KCTD8: variants seen among roughly 807,000 people sequenced by gnomAD.
KCTD8 encodes potassium channel tetramerization domain containing 8.
In KCTD8, 27 loss-of-function variants were observed where a neutral mutation model predicts 31.5. The ratio of observed to expected loss-of-function variants is 0.86; its 90% CI spans 0.63 to 1.18. KCTD8 has a LOEUF of 1.18. KCTD8 is among the 50% of genes most tolerant of loss of function. KCTD8 has a pLI of 0.00. For synonymous variants in KCTD8, 290 were observed against 280.0 expected (o/e 1.04, Z -0.36); for missense variants, 658 against 647.7 (o/e 1.02, Z -0.17).
intron 1 of KCTD8, among the ~76,000 whole-genome samples, chr4:44,424,901 C>T (rs559543966): frequency 6.6e-6 from 1 of 152,062 alleles, no homozygotes; most frequent in African/African-American, 2.4e-5. Context: ...TTCTAATCCT[C>T]GGTGACTCCA....
intron 1 of KCTD8, among the ~76,000 whole-genome samples, chr4:44,329,711 T>C (rs1177846583): frequency 6.6e-6 from 1 of 151,910 alleles, no homozygotes; most frequent in Non-Finnish European, 1.5e-5. Context: ...AACAAATTTA[T>C]TGAATGATAA....
intron 1 of KCTD8, among the ~76,000 whole-genome samples, chr4:44,336,777 T>C (rs1201457616): frequency 6.6e-6 from 1 of 152,062 alleles, no homozygotes; most frequent in Non-Finnish European, 1.5e-5. Context: ...AAACAATAAA[T>C]GTATGATATC....
intron 1 of KCTD8, among the ~76,000 whole-genome samples, chr4:44,268,170 C>T (rs1179096416): frequency 6.6e-6 from 1 of 152,120 alleles, no homozygotes; most frequent in African/African-American, 2.4e-5. Flanking sequence ...CCGAATCCAG[C>T]AACACATCAA....
rs115769907 is a variant in KCTD8 at position 44,196,760 on chromosome 4, C to T, written c.962-21510G>A. 7.8e-3 allele frequency among the ~76,000 whole-genome samples: 1,185 copies of T among 152,242 alleles called. 15 individuals are homozygous for T. Among genetic ancestry groups the T allele is most frequent in the African/African-American group, 0.027 (1,122 of 41,536 alleles). On this transcript the variant is annotated intron_variant, in intron 1 of 1. Coordinates refer to ENST00000360029, the MANE Select transcript of KCTD8 (RefSeq NM_198353.3). ...ACAAGGATCTGTGAAATCTTGGGAA[C>T]GAGAGAACCCCCTCCTTTCCTGGGC...
chr4:44,358,759 CG>C (rs1236477612), intron 1 of KCTD8, among the ~76,000 whole-genome samples: 3 of 151,954 alleles, frequency 2.0e-5, no homozygotes, highest in Admixed American at 2.0e-4. Flanking sequence ...TTAGCAGAGA[CG>C]GGGTTTCACC....
At chr4:44,261,594 C>T (rs1206611998) in intron 1 of KCTD8, among the ~76,000 whole-genome samples, 1 of 151,908 alleles carries the variant, frequency 6.6e-6, no homozygotes, top group Non-Finnish European at 1.5e-5. Flanking sequence ...TTCCACATTT[C>T]TCATACCCCC....
In KCTD8 at chr4:44,226,692, G is replaced by A. The variant is rs563206601; in HGVS notation, c.962-51442C>T. 5.0e-3 allele frequency among the ~76,000 whole-genome samples: 757 copies of A among 152,016 alleles called. 7 individuals are homozygous for A. Among genetic ancestry groups the A allele is most frequent in the African/African-American group, 0.017 (711 of 41,480 alleles). ...AGTGTTCCTATTTCTCCACAGCCTCGCCAAAATCCCTTGTTTCCTGACTTT... is the reference window on the plus strand; with the variant it reads ...AGTGTTCCTATTTCTCCACAGCCTCACCAAAATCCCTTGTTTCCTGACTTT... On this transcript the variant is annotated intron_variant, in intron 1 of 1. Coordinates refer to ENST00000360029, the MANE Select transcript of KCTD8 (RefSeq NM_198353.3).
rs1047062393 is a variant in KCTD8, at chr4:44,174,713, T to A, written c.*77A>T. Reference sequence around the variant, plus strand: ...GAGCAGCAAGAATCACACTGACCATTGTTAGGACATCAGTCAGGTGGTGAC... The same window carrying A: ...GAGCAGCAAGAATCACACTGACCATAGTTAGGACATCAGTCAGGTGGTGAC... On this transcript the variant is annotated 3_prime_UTR_variant, in exon 2 of 2. Coordinates refer to ENST00000360029, the MANE Select transcript of KCTD8 (RefSeq NM_198353.3). 1 of 1,065,390 alleles carries A rather than the reference T, an allele frequency of 9.4e-7. No homozygotes were observed. Among genetic ancestry groups the A allele is most frequent in the Non-Finnish European group, 1.4e-6 (1 of 722,654 alleles). 66.0% of individuals were successfully genotyped at this position (1,065,390 alleles called of 1,614,324 possible).
At chr4:44,215,200 A>T (rs147362332) in intron 1 of KCTD8, among the ~76,000 whole-genome samples, 2 of 152,324 alleles carry the variant, frequency 1.3e-5, no homozygotes, top group East Asian at 3.9e-4. Flanking sequence ...TCTCCTGTAC[A>T]GCTAGCTCTG....
At chr4:44,370,484 C>A (rs1023950384) in intron 1 of KCTD8, among the ~76,000 whole-genome samples, 2 of 152,094 alleles carry the variant, frequency 1.3e-5, no homozygotes, top group African/African-American at 4.8e-5. Context: ...GCTGGCACTG[C>A]TTTTGGTTTT....
intron 1 of KCTD8, among the ~76,000 whole-genome samples, chr4:44,358,372 T>C (rs1399558073): frequency 6.6e-6 from 1 of 152,178 alleles, no homozygotes; most frequent in Non-Finnish European, 1.5e-5. Context: ...TGCATGCGTC[T>C]TTATAGTGGA....
rs577112840 is a variant in KCTD8 at position 44,239,040 on chromosome 4, A to C, written c.962-63790T>G. ...GTTCTAACAAATTCTACAAATTGCT[A>C]GTCACGTGCAGGGGTAAAGTTAAAT... On this transcript the variant is annotated intron_variant, in intron 1 of 1. Transcript: ENST00000360029. Among the ~76,000 whole-genome samples, 279 of 152,338 alleles carry C rather than the reference A, an allele frequency of 1.8e-3. 1 individual carries two copies. Among genetic ancestry groups the C allele is most frequent in the Non-Finnish European group, 2.5e-3 (168 of 68,030 alleles).
At chr4:44,312,894 T>A (rs762389902) in intron 1 of KCTD8, among the ~76,000 whole-genome samples, 5 of 152,090 alleles carry the variant, frequency 3.3e-5, no homozygotes, top group African/African-American at 4.8e-5. Context: ...CTTTGAAGGA[T>A]CTCAACTTCT....
chr4:44,215,946 T>G (rs1231137378), intron 1 of KCTD8, among the ~76,000 whole-genome samples: 4 of 152,066 alleles, frequency 2.6e-5, no homozygotes, highest in African/African-American at 9.7e-5. Context: ...AAAAATATGG[T>G]GAGGTACAGA....
chr4:44,405,161 A>T (rs567740355), intron 1 of KCTD8, among the ~76,000 whole-genome samples: 134 of 149,292 alleles, frequency 9.0e-4, no homozygotes, highest in African/African-American at 3.1e-3. Context: ...TTACGTGCTT[A>T]CATGGTCTTA....
chr4:44,299,901 G>T (rs1717557171), intron 1 of KCTD8, among the ~76,000 whole-genome samples: 1 of 150,164 alleles, frequency 6.7e-6, no homozygotes, highest in Non-Finnish European at 1.5e-5. Context: ...ACAGGCACCC[G>T]CCACCACGCC....
intron 1 of KCTD8, among the ~76,000 whole-genome samples, chr4:44,267,424 T>C (rs1376368055): frequency 6.6e-6 from 1 of 152,084 alleles, no homozygotes; most frequent in Non-Finnish European, 1.5e-5. Flanking sequence ...TAGCACTAAA[T>C]GCCCACAAGA....
intron 1 of KCTD8, among the ~76,000 whole-genome samples, chr4:44,399,508 G>T (rs866624835): frequency 3.3e-5 from 5 of 152,136 alleles, no homozygotes; most frequent in Non-Finnish European, 7.3e-5. Flanking sequence ...AGAGGTGGAC[G>T]AGTTATCCTC....
At chr4:44,378,207 T>C (rs1230572532) in intron 1 of KCTD8, among the ~76,000 whole-genome samples, 2 of 143,990 alleles carry the variant, frequency 1.4e-5, no homozygotes, top group African/African-American at 5.1e-5. Context: ...CATACATATA[T>C]ATGTATGTAT....
Sources: gnomAD v4.1 joint callset for allele counts (sites outside exome capture counted in the v4.1 genomes callset) on GRCh38, gnomAD v4.1.1 for gene constraint, MANE v1.5 for transcripts, NCBI Gene and HGNC (gene_info 2026-07-23, HGNC 2026-07-21) for gene names.